LOXHD1: variants seen among roughly 807,000 people sequenced by gnomAD.
LOXHD1 encodes lipoxygenase homology domain-containing protein 1.
In LOXHD1, 205 loss-of-function variants were observed where a neutral mutation model predicts 248.2. That is an observed-to-expected ratio of 0.83 (90% CI 0.74 to 0.93). LOXHD1 has a LOEUF of 0.93. Among genes scored for constraint, LOXHD1 ranks in the 40% least tolerant of loss-of-function variants. The pLI, the probability that LOXHD1 is intolerant of heterozygous loss-of-function variation, is 0.00. For synonymous variants in LOXHD1, 1,113 were observed against 1,162.8 expected (o/e 0.96, Z 0.87); for missense variants, 2,930 against 2,971.6 (o/e 0.99, Z 0.33).
intron 19 of LOXHD1, 35 bp downstream of exon 19, chr18:46,560,048 T>TGCCGGCCCC: frequency 6.7e-5 from 82 of 1,226,286 alleles, no homozygotes; most frequent in Non-Finnish European, 8.1e-5. Flanking sequence ...GTCTGGCCAC[T>TGCCGGCCCC]CCCTCCCCAC....
chr18:46,509,833 G>A lies in LOXHD1; in HGVS notation c.5400-18C>T. ...GCTCAAACCTGGGGGTGGAGAGGAGGGGCATGAAGAAGGGAAGCTGGCCAT... is the reference window on the plus strand; with the variant it reads ...GCTCAAACCTGGGGGTGGAGAGGAGAGGCATGAAGAAGGGAAGCTGGCCAT... On this transcript the variant is annotated intron_variant, in intron 34 of 40. Coordinates refer to ENST00000642948, the MANE Select transcript of LOXHD1 (RefSeq NM_001384474.1). 1.3e-6 allele frequency: 2 copies of A among 1,518,676 alleles called. No homozygotes were observed. Among genetic ancestry groups the A allele is most frequent in the Non-Finnish European group, 1.8e-6 (2 of 1,121,692 alleles). The allele number at this position is 1,518,676 out of a possible 1,614,324, so 94.1% of individuals were successfully genotyped here.
rs1406257799 is a variant in LOXHD1 at position 46,506,003 on chromosome 18, C to T, written c.5713G>A (p.Val1905Met). 20 of 1,552,116 alleles carry T rather than the reference C, an allele frequency of 1.3e-5. No individual in the cohort carries two copies. The highest frequency in any genetic ancestry group is 2.4e-5 in the East Asian group (1 of 40,934). Residue 1905 changes from valine (V) to methionine (M), a missense_variant, in exon 37 of 41, where the codon GTG becomes ATG. Coordinates refer to ENST00000642948, the MANE Select transcript of LOXHD1 (RefSeq NM_001384474.1). ...TTCTCCCCGAAGATGATGATGAACA[C>T]GTTGGCATCAGTGCCTGCTCCTGGG... Reference protein sequence around the residue: ...DILGAGTDANVFIIIFGENGD... With the variant: ...DILGAGTDANMFIIIFGENGD...
rs1416532981 is a variant in LOXHD1, at chr18:46,538,325, T to C, written c.3926A>G (p.Glu1309Gly). The C allele has an allele frequency of 4.5e-6, 7 of 1,549,336 alleles. No homozygotes were observed. The highest frequency in any genetic ancestry group is 6.1e-6 in the Non-Finnish European group (7 of 1,145,006). Residue 1309 changes from glutamate to glycine, a missense_variant, in exon 26 of 41, where the codon GAG becomes GGG. Physicochemically the swap from Glu to Gly is moderately conservative, Grantham distance 98. Transcript: ENST00000642948. ...GACATCACTGGTGTAGAGGGTGATC[T>C]CGTAAGGAACAACTGAGGGTGGTGG... Reference protein sequence around the residue: ...TRLYTPFVPYEITLYTSDVFA... With the variant: ...TRLYTPFVPYGITLYTSDVFA...
chr18:46,548,953 C>G (rs940720974), intron 21 of LOXHD1, among the ~76,000 whole-genome samples: 1 of 152,232 alleles, frequency 6.6e-6, no homozygotes, highest in Non-Finnish European at 1.5e-5. Flanking sequence ...AGCAGCACGT[C>G]TCCTCTCAGA....
intron 28 of LOXHD1, among the ~76,000 whole-genome samples, chr18:46,532,384 A>G (rs1044486647): frequency 2.6e-5 from 4 of 152,108 alleles, no homozygotes; most frequent in Non-Finnish European, 5.9e-5. Flanking sequence ...TGTTCTGGGA[A>G]AAGTGTGCGT....
At chr18:46,556,156 G>A (rs563038208) in intron 21 of LOXHD1, among the ~76,000 whole-genome samples, 1 of 151,192 alleles carries the variant, frequency 6.6e-6, no homozygotes, top group African/African-American at 2.4e-5. Context: ...AATCATTTAG[G>A]CATCATCTAT....
chr18:46,576,815 A>C (rs1286661656), intron 14 of LOXHD1, among the ~76,000 whole-genome samples: 1 of 152,168 alleles, frequency 6.6e-6, no homozygotes, highest in Non-Finnish European at 1.5e-5. Context: ...CAGCTGCAGC[A>C]GATGTGTGCC....
At chr18:46,493,236 C>T (rs2033610748) in intron 37 of LOXHD1, among the ~76,000 whole-genome samples, 1 of 152,246 alleles carries the variant, frequency 6.6e-6, no homozygotes. Flanking sequence ...TGAATGTCAA[C>T]ACCATCTCAT....
intron 8 of LOXHD1, among the ~76,000 whole-genome samples, chr18:46,597,189 A>G (rs535511010): frequency 2.6e-5 from 4 of 152,216 alleles, no homozygotes; most frequent in Non-Finnish European, 5.9e-5. Context: ...TTGCCAAAAA[A>G]GAGTAAAGAT....
At chr18:46,596,750 T>A (rs17769810) in intron 8 of LOXHD1, among the ~76,000 whole-genome samples, 8,300 of 152,032 alleles carry the variant, frequency 0.055, 279 homozygotes, top group Non-Finnish European at 0.081. Flanking sequence ...AAAAACAAGA[T>A]CTTAAGAGCA....
intron 4 of LOXHD1, among the ~76,000 whole-genome samples, chr18:46,619,888 G>C (rs527457000): frequency 6.6e-6 from 1 of 152,304 alleles, no homozygotes; most frequent in East Asian, 1.9e-4. Flanking sequence ...CTAACTGAGA[G>C]CTCCAGGAGG....
At chr18:46,537,842 C>T (rs2144318060) in intron 26 of LOXHD1, among the ~76,000 whole-genome samples, 1 of 152,320 alleles carries the variant, frequency 6.6e-6, no homozygotes. Flanking sequence ...GAGCTATGTT[C>T]CACCTGTGGA....
chr18:46,563,005 G>A (rs1480636775), intron 18 of LOXHD1, 60 bp downstream of exon 18: 18 of 1,496,676 alleles, frequency 1.2e-5, no homozygotes, highest in Middle Eastern at 2.3e-4. Flanking sequence ...TACACCCAGG[G>A]AAGCATCTTG....
At position 46,522,185 on chromosome 18, in the gene LOXHD1, G is replaced by T. The variant is rs374304466; in HGVS notation, c.5001C>A (p.Pro1667=). Residue 1667 remains proline (P), a synonymous_variant, in exon 32 of 41, where the codon CCC becomes CCA. Transcript: ENST00000642948. ...CACGGCTGAAGCCCCTCTTCCCTCG[G>T]GGGTAGTCCAACCAGATGCGCTTAC... is the stretch of plus-strand genomic sequence containing the variant. ...ERSKRIWLDY[P]RGKRGFSRGS... 1.9e-6 allele frequency: 3 copies of T among 1,551,624 alleles called. No individual in the cohort carries two copies. In the African/African-American group the frequency reaches 4.1e-5, roughly 21 times the overall value.
intron 13 of LOXHD1, among the ~76,000 whole-genome samples, chr18:46,578,371 G>A (rs2037899355): frequency 6.6e-6 from 1 of 152,216 alleles, no homozygotes; most frequent in African/African-American, 2.4e-5. Context: ...AACACTGAAG[G>A]TGGGATTGAT....
At chr18:46,606,298 T>A (rs908172319) in intron 6 of LOXHD1, among the ~76,000 whole-genome samples, 11 of 152,034 alleles carry the variant, frequency 7.2e-5, no homozygotes, top group African/African-American at 2.7e-4. Context: ...ATGAAACGTT[T>A]GTCACAGCAC....
intron 38 of LOXHD1, among the ~76,000 whole-genome samples, chr18:46,488,662 C>T (rs893519592): frequency 1.3e-5 from 2 of 152,150 alleles, no homozygotes; most frequent in Non-Finnish European, 2.9e-5. Context: ...TGGATGATGT[C>T]CATGTTATAA....
At chr18:46,617,505 T>C (rs2038604288) in intron 5 of LOXHD1, among the ~76,000 whole-genome samples, 1 of 151,828 alleles carries the variant, frequency 6.6e-6, no homozygotes, top group Non-Finnish European at 1.5e-5. Context: ...TTGAATTCCC[T>C]CTTCATTTCT....
At chr18:46,630,779 G>A (rs149143006) in intron 4 of LOXHD1, among the ~76,000 whole-genome samples, 1 of 148,982 alleles carries the variant, frequency 6.7e-6, no homozygotes, top group Admixed American at 6.7e-5. Flanking sequence ...ATGGGGGGGG[G>A]TGTGAAATCA....
Sources: allele counts gnomAD v4.1 joint callset (sites outside exome capture counted in the v4.1 genomes callset), GRCh38; gene constraint gnomAD v4.1.1; transcripts MANE v1.5; gene names NCBI Gene and HGNC (gene_info 2026-07-23, HGNC 2026-07-21).